The following CD164 variants were observed in gnomAD, a reference collection of about 807,000 sequenced individuals.
The protein encoded by CD164 is sialomucin core protein 24.
CD164 carries 11 observed loss-of-function variants against 24.6 expected under a neutral mutation model. The observed-to-expected ratio is 0.45, with a 90% CI of 0.28 to 0.74. The LOEUF is 0.74. Among genes scored for constraint, CD164 ranks in the 30% least tolerant of loss-of-function variants. The pLI, the probability that CD164 is intolerant of heterozygous loss-of-function variation, is 0.13. For synonymous variants in CD164, 126 were observed against 100.3 expected (o/e 1.26, Z -1.53); for missense variants, 295 against 243.7 (o/e 1.21, Z -1.40).
chr6:109,374,771 A>C (rs1055942123), intron 4 of CD164, among the ~76,000 whole-genome samples: 24 of 152,092 alleles, frequency 1.6e-4, no homozygotes, highest in African/African-American at 5.6e-4. Flanking sequence ...GTACTACTTC[A>C]CATCTCCTCC....
At chr6:109,370,500 C>A (rs1167303529) in intron 4 of CD164, 33 bp from the exon 5 acceptor site, 2 of 1,565,936 alleles carry the variant, frequency 1.3e-6, no homozygotes. Context: ...TTTTAAAAAA[C>A]CTTAAATTTC....
chr6:109,375,933 A>C lies in CD164; in HGVS notation c.370+141T>G, dbSNP rs1771381458. The C allele has an allele frequency of 4.7e-6, 3 of 639,422 alleles. No individual in the cohort carries two copies. The East Asian group carries it at 9.3e-5, about 20-fold the overall frequency. 39.6% of individuals were successfully genotyped at this position (639,422 alleles called of 1,614,324 possible). Reference sequence around the variant, plus strand: ...TCACAAAAGGTAGAGATTAACGTTAATTGCTGTGGTCCAAGACTTTTAAGT... The same window carrying C: ...TCACAAAAGGTAGAGATTAACGTTACTTGCTGTGGTCCAAGACTTTTAAGT... On this transcript the variant is annotated intron_variant, in intron 4 of 5. Coordinates refer to ENST00000310786, the MANE Select transcript of CD164 (RefSeq NM_006016.6).
chr6:109,379,509 C>A (rs965655989), intron 2 of CD164, 70 bp downstream of exon 2: 19 of 1,128,882 alleles, frequency 1.7e-5, no homozygotes, highest in Non-Finnish European at 2.5e-5. Flanking sequence ...ACATAACTTT[C>A]AAGTGTTCAA....
Position 109,368,489 on chromosome 6 carries a change from A to T in CD164, c.*362T>A. On this transcript the variant is annotated 3_prime_UTR_variant, in exon 6 of 6. Transcript: ENST00000310786. ...TCTTCTCAATTCTGTTCACTAAATT[A>T]AAATTACTAAATTTAAACTGCCAAG... 7.4e-7 allele frequency: 1 copy of T among 1,355,700 alleles called. No individual in the cohort carries two copies. The highest frequency in any genetic ancestry group is 2.0e-5 in the South Asian group (1 of 50,662). The allele number at this position is 1,355,700 out of a possible 1,614,324, so 84.0% of individuals were successfully genotyped here. A position where few individuals can be genotyped will look rare whatever the true frequency, so the allele number is the denominator to read the frequency against.
In CD164 at chr6:109,370,402, C is replaced by T. The variant is rs1291480531; in HGVS notation, c.427+9G>A. 2 of 1,606,630 alleles carry T rather than the reference C, an allele frequency of 1.2e-6. No individual in the cohort carries two copies. Among genetic ancestry groups the T allele is most frequent in the African/African-American group, 1.3e-5 (1 of 74,726 alleles). On this transcript the variant is annotated intron_variant, in intron 5 of 5. Transcript: ENST00000310786. ...CTGCATCATTGCTAATCTAAAAAGC[C>T]TCAATTACCTGATGTAGTAACTGTC... is the stretch of plus-strand genomic sequence containing the variant.
intron 4 of CD164, among the ~76,000 whole-genome samples, chr6:109,373,789 T>C (rs564695679): frequency 1.3e-5 from 2 of 152,222 alleles, no homozygotes; most frequent in Admixed American, 6.5e-5. Flanking sequence ...CATCACCATA[T>C]AATCATCAGC....
intron 1 of CD164, chr6:109,381,905 T>C: frequency 2.2e-6 from 1 of 464,482 alleles, no homozygotes; most frequent in Non-Finnish European, 3.8e-6. Context: ...CGACCCCAAG[T>C]GAGGCTAGGA....
Position 109,367,971 on chromosome 6 carries a change from T to A in CD164, c.*880A>T, listed in dbSNP as rs1444984863. 1 of 208,702 alleles carries A rather than the reference T, an allele frequency of 4.8e-6. No homozygotes were observed. The highest frequency in any genetic ancestry group is 6.0e-5 in the Admixed American group (1 of 16,782). 12.9% of individuals were successfully genotyped at this position (208,702 alleles called of 1,614,324 possible). ...CTTTTCAACAGCCATAAGAAAAATG[T>A]TGGGAGGTTCAAGATACGAAGGCTT... On this transcript the variant is annotated 3_prime_UTR_variant, in exon 6 of 6. Coordinates refer to ENST00000310786, the MANE Select transcript of CD164 (RefSeq NM_006016.6).
intron 4 of CD164, among the ~76,000 whole-genome samples, chr6:109,374,296 G>C (rs1185839053): frequency 1.3e-5 from 2 of 152,120 alleles, no homozygotes; most frequent in Non-Finnish European, 2.9e-5. Flanking sequence ...ATGGATTCTA[G>C]GTATCTTAAA....
chr6:109,370,351 G>T, intron 5 of CD164, 60 bp downstream of exon 5: 1 of 1,346,602 alleles, frequency 7.4e-7, no homozygotes, highest in Non-Finnish European at 1.1e-6. Context: ...GGCAGAAATT[G>T]TAAAGGGCAA....
At position 109,368,995 on chromosome 6, in the gene CD164, A is replaced by C. The variant is rs752047597; in HGVS notation, c.450T>G (p.Thr150=). Residue 150 remains threonine, a synonymous_variant, in exon 6 of 6, where the codon ACT becomes ACG. Coordinates refer to ENST00000310786, the MANE Select transcript of CD164 (RefSeq NM_006016.6). ...ACTTTCGCACAGGTTGTGAGGTTGG[A>C]GTCACAGTGTTATTTGTTGTACCTG... The part of the protein sequence containing the change: ...TTSGTTNNTV[T]PTSQPVRKST... The C allele has an allele frequency of 1.9e-6, 3 of 1,613,158 alleles. No homozygotes were observed. Among genetic ancestry groups the C allele is most frequent in the South Asian group, 2.2e-5 (2 of 90,896 alleles).
At chr6:109,381,092 AATGTT>A (rs1179962545) in intron 1 of CD164, among the ~76,000 whole-genome samples, 3 of 152,250 alleles carry the variant, frequency 2.0e-5, no homozygotes, top group African/African-American at 7.2e-5. Flanking sequence ...TCAAGAAGCC[AATGTT>A]AACTACGTAA....
intron 1 of CD164, chr6:109,381,701 G>C (rs1469015359): frequency 3.1e-6 from 2 of 637,248 alleles, no homozygotes; most frequent in Middle Eastern, 5.4e-4. Flanking sequence ...AGACACGAAC[G>C]AGCATTACCG....
rs937571401 is a variant in CD164, at chr6:109,367,568, A to G, written c.*1283T>C. The G allele has an allele frequency of 5.9e-5, 9 of 152,720 alleles. No individual in the cohort carries two copies. The highest frequency in any genetic ancestry group is 2.2e-4 in the African/African-American group (9 of 41,584). 9.5% of individuals were successfully genotyped at this position (152,720 alleles called of 1,614,324 possible). On this transcript the variant is annotated 3_prime_UTR_variant, in exon 6 of 6. Coordinates refer to ENST00000310786, the MANE Select transcript of CD164 (RefSeq NM_006016.6). ...GAAAACTATAGAAGTTAAAGTATGC[A>G]TGCTTATTATACTATGGGAAACCAA...
In CD164 at chr6:109,368,047, T is replaced by A; in HGVS notation, c.*804A>T. The A allele has an allele frequency of 2.9e-6, 1 of 340,578 alleles. No homozygotes were observed. The highest frequency in any genetic ancestry group is 5.3e-6 in the Non-Finnish European group (1 of 187,894). 21.1% of individuals were successfully genotyped at this position (340,578 alleles called of 1,614,324 possible). On this transcript the variant is annotated 3_prime_UTR_variant, in exon 6 of 6. Transcript: ENST00000310786. ...TTAAGTTTCTCCGCTCTGAAATAAA[T>A]TTTCAATAAAATATTAACAGTATGA...
In CD164 at chr6:109,368,880, A is replaced by G; in HGVS notation, c.565T>C (p.Ser189Pro). The G allele has an allele frequency of 6.2e-7, 1 of 1,613,248 alleles. No homozygotes were observed. The highest frequency in any genetic ancestry group is 1.1e-5 in the South Asian group (1 of 91,006). ...VIFFLYKFCKSKERNYHTL is the reference protein window; with the variant it reads ...VIFFLYKFCKPKERNYHTL ...AGAGTGTGGTAATTTCGTTCTTTAG[A>G]TTTGCAGAATTTATAAAGAAAGAAA... Residue 189 changes from serine (S) to proline (P), a missense_variant, in exon 6 of 6, where the codon TCT becomes CCT. Coordinates refer to ENST00000310786, the MANE Select transcript of CD164 (RefSeq NM_006016.6).
In CD164 at chr6:109,368,776, T is replaced by C; in HGVS notation, c.*75A>G. ...GGAATAGCGTCTTCCATGTGGGACATCTTAAAAGATAGTATTTTGGCTTCA... is the reference window on the plus strand; with the variant it reads ...GGAATAGCGTCTTCCATGTGGGACACCTTAAAAGATAGTATTTTGGCTTCA... On this transcript the variant is annotated 3_prime_UTR_variant, in exon 6 of 6. Coordinates refer to ENST00000310786, the MANE Select transcript of CD164 (RefSeq NM_006016.6). 1 of 1,526,126 alleles carries C rather than the reference T, an allele frequency of 6.6e-7. No individual in the cohort carries two copies. The highest frequency in any genetic ancestry group is 8.8e-7 in the Non-Finnish European group (1 of 1,142,050). The allele number at this position is 1,526,126 out of a possible 1,614,324, so 94.5% of individuals were successfully genotyped here.
chr6:109,372,787 A>C (rs1005207956), intron 4 of CD164: 6 of 152,222 alleles, frequency 3.9e-5, no homozygotes, highest in African/African-American at 1.4e-4. Flanking sequence ...AATTCTGTTC[A>C]ATCTCAAAAC....
At chr6:109,377,658 A>G (rs1771488357) in intron 3 of CD164, among the ~76,000 whole-genome samples, 1 of 152,008 alleles carries the variant, frequency 6.6e-6, no homozygotes, top group African/African-American at 2.4e-5. Context: ...AAAAAAAAAA[A>G]AAGTGTGGGG....
Sources: allele counts gnomAD v4.1 joint callset (sites outside exome capture counted in the v4.1 genomes callset), GRCh38; gene constraint gnomAD v4.1.1; transcripts MANE v1.5; gene names NCBI Gene and HGNC (gene_info 2026-07-23, HGNC 2026-07-21).